CAP2: variants seen among roughly 807,000 people sequenced by gnomAD.
CAP2 encodes adenylyl cyclase-associated protein 2.
In CAP2, 24 loss-of-function variants were observed where a neutral mutation model predicts 57.7. The ratio of observed to expected loss-of-function variants is 0.42; its 90% CI spans 0.30 to 0.58. CAP2 has a LOEUF of 0.58. Among genes scored for constraint, CAP2 ranks in the 20% least tolerant of loss-of-function variants. The pLI, the probability that CAP2 is intolerant of heterozygous loss-of-function variation, is 0.22. For missense variants in CAP2, 501 were observed against 590.3 expected, an observed-to-expected ratio of 0.85 and a Z score of 1.57; for synonymous variants, 194 against 207.2, an observed-to-expected ratio of 0.94 and a Z score of 0.55.
chr6:17,432,607 G>A (rs984793656), intron 3 of CAP2, among the ~76,000 whole-genome samples: 1 of 152,132 alleles, frequency 6.6e-6, no homozygotes, highest in African/African-American at 2.4e-5. Flanking sequence ...TTTCATCCAG[G>A]CTTTAAATGG....
At chr6:17,399,261 T>A (rs1453552353) in intron 1 of CAP2, among the ~76,000 whole-genome samples, 1 of 152,044 alleles carries the variant, frequency 6.6e-6, no homozygotes. Context: ...CAGGGTTTTG[T>A]CATGTTGGCC....
rs756242516 is a variant in CAP2 at position 17,542,967 on chromosome 6, C to A, written c.1126+7C>A. 1 of 1,613,466 alleles carries A rather than the reference C, an allele frequency of 6.2e-7. No individual in the cohort carries two copies. The highest frequency in any genetic ancestry group is 1.1e-5 in the South Asian group (1 of 91,036). ...GTAAACTCCATTATAATTGGTAGGG[C>A]AGAATTATGGCTCTATGGTTATTAT... On this transcript the variant is annotated splice_region_variant and intron_variant, in intron 10 of 12. Transcript: ENST00000229922.
intron 9 of CAP2, among the ~76,000 whole-genome samples, chr6:17,541,485 C>T (rs1174514148): frequency 6.6e-6 from 1 of 151,902 alleles, no homozygotes; most frequent in East Asian, 1.9e-4. Context: ...GAGGCTGAGA[C>T]AGGAGAATCA....
At chr6:17,499,421 TTAAAG>T (rs1445119217) in intron 4 of CAP2, among the ~76,000 whole-genome samples, 2 of 100,516 alleles carry the variant, frequency 2.0e-5, no homozygotes, top group Admixed American at 9.9e-5. Flanking sequence ...AAAAAAAAAA[TTAAAG>T]TAGGAGTTTA....
intron 4 of CAP2, among the ~76,000 whole-genome samples, chr6:17,504,439 C>T (rs1388774779): frequency 6.6e-6 from 1 of 152,180 alleles, no homozygotes; most frequent in African/African-American, 2.4e-5. Flanking sequence ...CTTCTAACAC[C>T]TTTCCCTAGT....
intron 4 of CAP2, chr6:17,493,440 C>A: frequency 6.2e-6 from 2 of 320,872 alleles, no homozygotes; most frequent in Admixed American, 3.3e-5. Context: ...AATAATTTCA[C>A]CGCCAACCAC....
intron 3 of CAP2, among the ~76,000 whole-genome samples, chr6:17,449,580 G>T (rs904121416): frequency 2.6e-5 from 4 of 151,810 alleles, no homozygotes; most frequent in African/African-American, 9.7e-5. Flanking sequence ...CTAATTTTTT[G>T]TATTTTTTAG....
chr6:17,460,434 A>G (rs1023131317), intron 3 of CAP2, among the ~76,000 whole-genome samples: 3 of 152,228 alleles, frequency 2.0e-5, no homozygotes, highest in Admixed American at 6.5e-5. Context: ...CACTAATACT[A>G]CAGATTGAAT....
At chr6:17,466,926 G>A (rs1053319865) in intron 4 of CAP2, among the ~76,000 whole-genome samples, 2 of 152,116 alleles carry the variant, frequency 1.3e-5, no homozygotes, top group East Asian at 1.9e-4. Flanking sequence ...TTAGTATCTA[G>A]TAGATGAGTT....
intron 1 of CAP2, among the ~76,000 whole-genome samples, chr6:17,415,381 CTTACA>C (rs1759248331): frequency 6.6e-6 from 1 of 152,180 alleles, no homozygotes; most frequent in Non-Finnish European, 1.5e-5. Flanking sequence ...GACCCAAAGG[CTTACA>C]TTAGAGGGAG....
At chr6:17,549,568 T>C (rs1763124514) in intron 11 of CAP2, among the ~76,000 whole-genome samples, 1 of 152,188 alleles carries the variant, frequency 6.6e-6, no homozygotes. Context: ...TTGATAAATA[T>C]ATGAAAATAT....
intron 3 of CAP2, among the ~76,000 whole-genome samples, chr6:17,431,849 G>C (rs538122161): frequency 6.6e-6 from 1 of 152,232 alleles, no homozygotes; most frequent in East Asian, 1.9e-4. Context: ...GCATGAGGGA[G>C]CTATTCGGTT....
chr6:17,463,003 T>C lies in CAP2; in HGVS notation c.230T>C (p.Met77Thr). Reference protein sequence around the residue: ...LAGDVETHAEMVHSAFQAQRA... With the variant: ...LAGDVETHAETVHSAFQAQRA... ...CTTCCTCTTTGTTCCCAGGCAGAAA[T>C]GGTGCACAGTGCTTTCCAGGCCCAG... The change falls in exon 4 of 13, where the codon ATG becomes ACG. Residue 77 changes from methionine (M) to threonine (T), a missense_variant. Physicochemically the swap from Met to Thr is moderately conservative, Grantham distance 81. Coordinates refer to ENST00000229922, the MANE Select transcript of CAP2 (RefSeq NM_006366.3). 4 of 1,613,962 alleles carry C rather than the reference T, an allele frequency of 2.5e-6. No individual in the cohort carries two copies. Among genetic ancestry groups the C allele is most frequent in the Non-Finnish European group, 3.4e-6 (4 of 1,179,832 alleles).
chr6:17,527,795 A>C (rs746241491), intron 7 of CAP2, among the ~76,000 whole-genome samples: 3 of 152,008 alleles, frequency 2.0e-5, no homozygotes, highest in Non-Finnish European at 4.4e-5. Context: ...AGGTTTCACC[A>C]TGTTGGCCTG....
intron 3 of CAP2, among the ~76,000 whole-genome samples, chr6:17,447,053 C>T (rs947810751): frequency 3.9e-5 from 6 of 152,046 alleles, no homozygotes; most frequent in Non-Finnish European, 8.8e-5. Context: ...GGCAGAGTCT[C>T]CCTCTGTCAC....
At chr6:17,546,628 G>A (rs1259456924) in intron 11 of CAP2, among the ~76,000 whole-genome samples, 5 of 152,156 alleles carry the variant, frequency 3.3e-5, no homozygotes, top group Admixed American at 2.6e-4. Context: ...CCATGCCTAT[G>A]TCCTGAATGA....
At chr6:17,423,887 G>A (rs1273382856) in intron 2 of CAP2, among the ~76,000 whole-genome samples, 1 of 152,064 alleles carries the variant, frequency 6.6e-6, no homozygotes, top group Non-Finnish European at 1.5e-5. Flanking sequence ...AAATGAAGTA[G>A]GATAATTAGT....
chr6:17,402,341 C>T (rs1228990441), intron 1 of CAP2, among the ~76,000 whole-genome samples: 2 of 152,064 alleles, frequency 1.3e-5, no homozygotes, highest in Non-Finnish European at 2.9e-5. Flanking sequence ...ATGTAAAACT[C>T]TAGGGGATGG....
At chr6:17,520,856 T>C (rs967894667) in intron 7 of CAP2, among the ~76,000 whole-genome samples, 15 of 152,224 alleles carry the variant, frequency 9.9e-5, no homozygotes, top group Non-Finnish European at 1.9e-4. Flanking sequence ...AAATTTTCAT[T>C]TAGAACTTGT....
Sources: gnomAD v4.1 joint callset for allele counts (sites outside exome capture counted in the v4.1 genomes callset) on GRCh38, gnomAD v4.1.1 for gene constraint, MANE v1.5 for transcripts, NCBI Gene and HGNC (gene_info 2026-07-23, HGNC 2026-07-21) for gene names.